TVP23A: variants seen among roughly 807,000 people sequenced by gnomAD.
TVP23A encodes the protein Golgi apparatus membrane protein TVP23 homolog A.
In TVP23A, 21 loss-of-function variants were observed where a neutral mutation model predicts 31.7. The ratio of observed to expected loss-of-function variants is 0.66; its 90% CI spans 0.47 to 0.95. The LOEUF (loss-of-function observed/expected upper bound fraction) is 0.95. TVP23A is among the 40% of genes least tolerant of loss of function. The pLI, the probability that TVP23A is intolerant of heterozygous loss-of-function variation, is 0.00. For missense variants in TVP23A, 279 were observed against 255.6 expected (o/e 1.09, Z -0.62); for synonymous variants, 104 against 96.0 (o/e 1.08, Z -0.49).
At chr16:10,769,726 A>G (rs2031405053) in intron 7 of TVP23A, among the ~76,000 whole-genome samples, 1 of 152,208 alleles carries the variant, frequency 6.6e-6, no homozygotes, top group Non-Finnish European at 1.5e-5. Context: ...CTGTGTAGTA[A>G]TATGTGCACA....
At chr16:10,805,614 C>T (rs1441356712) in intron 2 of TVP23A, among the ~76,000 whole-genome samples, 1 of 150,436 alleles carries the variant, frequency 6.6e-6, no homozygotes, top group Admixed American at 6.7e-5. Flanking sequence ...AGGCTGGGCT[C>T]CACGTGAAGA....
At chr16:10,775,660 T>C (rs935033199) in intron 2 of TVP23A, 2 of 551,162 alleles carry the variant, frequency 3.6e-6, no homozygotes, top group Non-Finnish European at 4.6e-6. Context: ...GTGGTTCTTG[T>C]TCACTGTGCC....
At chr16:10,806,889 T>C (rs948036741) in intron 2 of TVP23A, among the ~76,000 whole-genome samples, 1 of 152,182 alleles carries the variant, frequency 6.6e-6, no homozygotes, top group Admixed American at 6.5e-5. Flanking sequence ...CTGCCTTAGA[T>C]GTAAGGAGTT....
chr16:10,778,902 G>A (rs1380840839), intron 2 of TVP23A, among the ~76,000 whole-genome samples: 2 of 152,172 alleles, frequency 1.3e-5, no homozygotes, highest in East Asian at 1.9e-4. Flanking sequence ...GGAGGCAGAG[G>A]TTGCAGTGAG....
At chr16:10,783,962 G>A (rs1567290083) in intron 2 of TVP23A, among the ~76,000 whole-genome samples, 1 of 152,138 alleles carries the variant, frequency 6.6e-6, no homozygotes, top group South Asian at 2.1e-4. Context: ...GTGGAGCAGA[G>A]GGGACTTTTA....
intron 2 of TVP23A, among the ~76,000 whole-genome samples, chr16:10,796,653 T>A (rs1264449169): frequency 6.6e-6 from 1 of 152,074 alleles, no homozygotes; most frequent in Non-Finnish European, 1.5e-5. Context: ...TTGGCCAGGA[T>A]GGTCTTGATC....
chr16:10,783,637 C>G (rs991442617), intron 2 of TVP23A, among the ~76,000 whole-genome samples: 3 of 152,172 alleles, frequency 2.0e-5, no homozygotes, highest in Non-Finnish European at 2.9e-5. Flanking sequence ...GATCGCACCA[C>G]TGCACTCCAG....
chr16:10,773,319 C>A lies in TVP23A; in HGVS notation c.447G>T (p.Lys149Asn). 6.2e-7 allele frequency: 1 copy of A among 1,606,456 alleles called. No homozygotes were observed. Among genetic ancestry groups the A allele is most frequent in the Non-Finnish European group, 8.5e-7 (1 of 1,177,928 alleles). The change falls in exon 5 of 8, where the codon AAG (lysine) becomes AAT (asparagine). Residue 149 changes from lysine to asparagine, a missense_variant. By Grantham distance (94) the Lys-to-Asn change is moderately conservative. Coordinates refer to ENST00000299866, the MANE Select transcript of TVP23A (RefSeq NM_001079512.4). ...FFSTLFSLKL[K>N]WLALVVAGIS... The stretch of plus-strand genomic sequence containing the variant: ...AGTCAAGATCTGGCCTTACCAGCCA[C>A]TTTAGCTTCAAGGAAAATAAGGTGC...
At chr16:10,793,882 G>A (rs1012837739) in intron 2 of TVP23A, among the ~76,000 whole-genome samples, 1 of 108,008 alleles carries the variant, frequency 9.3e-6, no homozygotes, top group African/African-American at 3.6e-5. Context: ...CTGGGTGACA[G>A]AGTGAGACCC....
intron 2 of TVP23A, among the ~76,000 whole-genome samples, chr16:10,814,128 T>C (rs1187060557): frequency 6.6e-6 from 1 of 152,146 alleles, no homozygotes; most frequent in Admixed American, 6.6e-5. Context: ...GGGTGCTATT[T>C]TAAATTCATG....
chr16:10,766,906 T>A lies in TVP23A; in HGVS notation c.*2196A>T, dbSNP rs1409975267. The A allele has an allele frequency of 5.0e-6, 2 of 398,490 alleles. No individual in the cohort carries two copies. 24.7% of individuals were successfully genotyped at this position (398,490 alleles called of 1,614,324 possible). A position where few individuals can be genotyped will look rare whatever the true frequency, so the allele number is the denominator to read the frequency against. On this transcript the variant is annotated 3_prime_UTR_variant, in exon 8 of 8. Coordinates refer to ENST00000299866, the MANE Select transcript of TVP23A (RefSeq NM_001079512.4). The surrounding 1 kb of genome is among the most constrained non-coding windows in gnomAD (Gnocchi z 4.8). ...TTCCTGTTATGGCTCAAGTGCGAAT[T>A]GGCCTTATGTTCCCTGCCTCTGGAC...
chr16:10,761,229 C>G (rs2142748152), exon 9 of TVP23A: 2 of 725,284 alleles, frequency 2.8e-6, no homozygotes, highest in East Asian at 5.8e-5. Flanking sequence ...GACACAGAGC[C>G]AAACCCTATC....
Position 10,818,704 on chromosome 16 carries a change from G to T in TVP23A, c.-211C>A. On this transcript the variant is annotated 5_prime_UTR_variant, in exon 1 of 8. Transcript: ENST00000299866. This position sits in a 1 kb window ranked among gnomAD's most constrained non-coding sequence, Gnocchi z 4.7. Reference sequence around the variant, plus strand: ...AGGCGCAGTCGCAGGCTGGGGAGGGGGCTCGGCTCGCCGGGGACGCGCCCA... The same window carrying T: ...AGGCGCAGTCGCAGGCTGGGGAGGGTGCTCGGCTCGCCGGGGACGCGCCCA... 1.8e-6 allele frequency: 1 copy of T among 542,356 alleles called. No individual in the cohort carries two copies. Among genetic ancestry groups the T allele is most frequent in the Non-Finnish European group, 3.1e-6 (1 of 325,056 alleles). 33.6% of individuals were successfully genotyped at this position (542,356 alleles called of 1,614,324 possible).
chr16:10,815,215 G>A (rs895910820), intron 2 of TVP23A, among the ~76,000 whole-genome samples: 1 of 152,070 alleles, frequency 6.6e-6, no homozygotes, highest in Admixed American at 6.6e-5. Context: ...GGCCAACATG[G>A]CGAAACTCCA....
intron 2 of TVP23A, chr16:10,775,534 G>T: frequency 2.9e-6 from 3 of 1,032,814 alleles, no homozygotes; most frequent in Non-Finnish European, 3.5e-6. Flanking sequence ...CATGTCATCG[G>T]GGAATGCGTG....
Position 10,779,950 on chromosome 16 carries a change from T to C in TVP23A, c.90-4854A>G, listed in dbSNP as rs1475178092. Among the ~76,000 whole-genome samples the C allele has an allele frequency of 6.6e-6, 1 of 151,890 alleles. No homozygotes were observed. The highest frequency in any genetic ancestry group is 6.6e-5 in the Admixed American group (1 of 15,228). ...ATAAAAATACAAAAATTAGCGGGTG[T>C]GGTGGTGCACGCCTATAATTCCAGC... On this transcript the variant is annotated intron_variant, in intron 2 of 7. Coordinates refer to ENST00000299866, the MANE Select transcript of TVP23A (RefSeq NM_001079512.4). This position sits in a 1 kb window ranked among gnomAD's most constrained non-coding sequence, Gnocchi z 4.9.
intron 5 of TVP23A, 128 bp downstream of exon 5, chr16:10,773,185 A>G (rs2031750847): frequency 7.9e-7 from 1 of 1,257,956 alleles, no homozygotes; most frequent in African/African-American, 1.5e-5. Context: ...TGGAATGTGT[A>G]TTATATCTCA....
chr16:10,790,167 A>C (rs1323396198), intron 2 of TVP23A, among the ~76,000 whole-genome samples: 1 of 152,208 alleles, frequency 6.6e-6, no homozygotes, highest in East Asian at 1.9e-4. Flanking sequence ...GCCTGGAAGA[A>C]AAAATCTAGC....
At chr16:10,785,732 C>A (rs758603321) in intron 2 of TVP23A, among the ~76,000 whole-genome samples, 2 of 152,126 alleles carry the variant, frequency 1.3e-5, no homozygotes, top group Non-Finnish European at 2.9e-5. Flanking sequence ...TCTGGAAAGG[C>A]GGAACACCTT....
Sources: allele counts gnomAD v4.1 joint callset (sites outside exome capture counted in the v4.1 genomes callset), GRCh38; gene constraint gnomAD v4.1.1; non-coding constraint Gnocchi (gnomAD v3.1); transcripts MANE v1.5; gene names NCBI Gene and HGNC (gene_info 2026-07-23, HGNC 2026-07-21).